The following ZNF528 variants were observed in gnomAD, a reference collection of about 807,000 sequenced individuals.
The protein encoded by ZNF528 is zinc finger protein 528.
In ZNF528, 9 loss-of-function variants were observed where a neutral mutation model predicts 13.3. The ratio of observed to expected loss-of-function variants is 0.67; its 90% confidence interval spans 0.41 to 1.18. The LOEUF (loss-of-function observed/expected upper bound fraction) is 1.18. Ranked by LOEUF, ZNF528 falls within the 50% of genes most tolerant of loss-of-function variation. The pLI is 0.01. For missense variants in ZNF528, 858 were observed against 745.4 expected (o/e 1.15, Z -1.76); for synonymous variants, 264 against 254.3 (o/e 1.04, Z -0.36).
At chr19:52,415,095 G>T in intron 6 of ZNF528, 29 bp from the exon 7 acceptor site, 1 of 1,610,618 alleles carries the variant, frequency 6.2e-7, no homozygotes, top group South Asian at 1.1e-5. Context: ...ATCATGGGTT[G>T]AAGTTCCACT....
Position 52,415,111 on chromosome 19 carries a change from C to G in ZNF528, c.272-13C>G. ...TCATGGGTTGAAGTTCCACTTTTTT[C>G]TTTCTGTTTTAGAGAGGAGCTCTAA... is the stretch of plus-strand genomic sequence containing the variant. On this transcript the variant is annotated splice_polypyrimidine_tract_variant and intron_variant, in intron 6 of 6. Coordinates refer to ENST00000360465, the MANE Select transcript of ZNF528 (RefSeq NM_032423.3). 1 of 1,608,644 alleles carries G rather than the reference C, an allele frequency of 6.2e-7. No individual in the cohort carries two copies. The highest frequency in any genetic ancestry group is 8.5e-7 in the Non-Finnish European group (1 of 1,177,580).
At chr19:52,400,504 C>T (rs113009306) in intron 2 of ZNF528, among the ~76,000 whole-genome samples, 6 of 152,128 alleles carry the variant, frequency 3.9e-5, no homozygotes, top group African/African-American at 1.4e-4. Context: ...TTCTCTGTTT[C>T]TAAATCTAGT....
chr19:52,404,690 G>T (rs1041017424), intron 4 of ZNF528, among the ~76,000 whole-genome samples: 1 of 151,852 alleles, frequency 6.6e-6, no homozygotes, highest in African/African-American at 2.4e-5. Context: ...TCCACCTCCC[G>T]GGTTCAAGAG....
chr19:52,407,865 A>G (rs1241382120), intron 6 of ZNF528, among the ~76,000 whole-genome samples: 2 of 151,838 alleles, frequency 1.3e-5, no homozygotes, highest in African/African-American at 4.8e-5. Flanking sequence ...GACATGCACC[A>G]CCACGCCTGG....
Position 52,416,546 on chromosome 19 carries a change from C to A in ZNF528, c.1694C>A (p.Thr565Asn), listed in dbSNP as rs374627797. ...GCATTTCGAGGGTGTTCAGGCCTTA[C>A]TGCCCATCTTGCAATCCATACTGAA... is the stretch of plus-strand genomic sequence containing the variant. ...GKAFRGCSGLTAHLAIHTEKK... is the reference protein window; with the variant it reads ...GKAFRGCSGLNAHLAIHTEKK... The change falls in exon 7 of 7, where the codon ACT (threonine) becomes AAT (asparagine). Residue 565 changes from threonine (T) to asparagine (N), a missense_variant. By Grantham distance (65) the Thr-to-Asn change is moderately conservative (BLOSUM62 0). Transcript: ENST00000360465. The A allele has an allele frequency of 1.9e-6, 3 of 1,614,112 alleles. No homozygotes were observed. The African/African-American group carries it at 4.0e-5, about 22-fold the overall frequency.
chr19:52,402,285 G>A (rs955358507), intron 4 of ZNF528: 1 of 606,040 alleles, frequency 1.7e-6, no homozygotes, highest in East Asian at 2.8e-5. Flanking sequence ...CGGGGTGTGG[G>A]TCCCGTGGTG....
At position 52,408,032 on chromosome 19, in the gene ZNF528, A is replaced by G. The variant is rs148882379; in HGVS notation, c.271+1389A>G. On this transcript the variant is annotated intron_variant, in intron 6 of 6. Transcript: ENST00000360465. ...ACCTGGCCCAAAACATTCTATTTTA[A>G]ATGTTAACAGCTTATCTTTGATTAG... Among the ~76,000 whole-genome samples the G allele has an allele frequency of 2.0e-5, 3 of 152,086 alleles. No individual in the cohort carries two copies. The East Asian group carries it at 5.9e-4, about 30-fold the overall frequency.
chr19:52,416,108 G>T lies in ZNF528; in HGVS notation c.1256G>T (p.Ser419Ile). The T allele has an allele frequency of 6.8e-6, 11 of 1,613,980 alleles. No homozygotes were observed. The highest frequency in any genetic ancestry group is 2.2e-5 in the East Asian group (1 of 44,870). Reference protein sequence around the residue: ...YGCSQCGKIFSQKSDLIRHRK... With the variant: ...YGCSQCGKIFIQKSDLIRHRK... ...TGCAGTCAGTGTGGCAAGATCTTTA[G>T]TCAGAAATCAGACCTTATACGACAT... Residue 419 changes from serine (S) to isoleucine (I), a missense_variant, in exon 7 of 7, where the codon AGT (serine) becomes ATT (isoleucine). By Grantham distance (142) the Ser-to-Ile change is moderately radical. Transcript: ENST00000360465.
intron 6 of ZNF528, among the ~76,000 whole-genome samples, chr19:52,409,485 T>C (rs2122559225): frequency 6.6e-6 from 1 of 152,236 alleles, no homozygotes; most frequent in African/African-American, 2.4e-5. Context: ...ATCATTTTCC[T>C]GATTTCATTT....
Position 52,415,910 on chromosome 19 carries a change from A to T in ZNF528, c.1058A>T (p.Tyr353Phe), listed in dbSNP as rs1307857125. ...ACGGTTCATACTGGTGAGAAACCTTACAAATGTGAAGAATGTGGCAAAGCA... is the reference window on the plus strand; with the variant it reads ...ACGGTTCATACTGGTGAGAAACCTTTCAAATGTGAAGAATGTGGCAAAGCA... ...HQTVHTGEKP[Y>F]KCEECGKAFS... Residue 353 changes from tyrosine to phenylalanine, a missense_variant, in exon 7 of 7, where the codon TAC becomes TTC. Tyr to Phe is a conservative substitution (Grantham distance 22, BLOSUM62 3). Transcript: ENST00000360465. 1.2e-6 allele frequency: 2 copies of T among 1,613,954 alleles called. No homozygotes were observed. Among genetic ancestry groups the T allele is most frequent in the African/African-American group, 2.7e-5 (2 of 74,934 alleles).
In ZNF528 at chr19:52,416,662, C is replaced by A. The variant is rs759509998; in HGVS notation, c.1810C>A (p.Pro604Thr). 26 of 1,614,066 alleles carry A rather than the reference C, an allele frequency of 1.6e-5. No individual in the cohort carries two copies. In the South Asian group the frequency reaches 2.7e-4, roughly 17 times the overall value. ...NHHRIHIGEK[P>T]YKCTLCSKVF... Reference sequence around the variant, plus strand: ...CCATAGAATTCACATTGGAGAGAAACCTTACAAATGCACCCTGTGCAGTAA... The same window carrying A: ...CCATAGAATTCACATTGGAGAGAAAACTTACAAATGCACCCTGTGCAGTAA... Residue 604 changes from proline to threonine, a missense_variant, in exon 7 of 7, where the codon CCT becomes ACT. Transcript: ENST00000360465.
intron 4 of ZNF528, among the ~76,000 whole-genome samples, chr19:52,404,417 G>T (rs2058830820): frequency 1.3e-5 from 2 of 151,774 alleles, no homozygotes; most frequent in African/African-American, 4.8e-5. Flanking sequence ...TACTAGTGAT[G>T]GGGTTTCACC....
rs200341438 is a variant in ZNF528 at position 52,415,406 on chromosome 19, C to T, written c.554C>T (p.Ala185Val). The change falls in exon 7 of 7, where the codon GCT becomes GTT. Residue 185 changes from alanine (A) to valine (V), a missense_variant. By Grantham distance (64) the Ala-to-Val change is moderately conservative (BLOSUM62 0). Coordinates refer to ENST00000360465, the MANE Select transcript of ZNF528 (RefSeq NM_032423.3). ...QEQKAHIREK[A>V]YKCNEHGQVF... ...CAGAAAGCACACATTAGGGAAAAAG[C>T]TTATAAATGTAATGAGCACGGCCAA... The T allele has an allele frequency of 4.7e-5, 76 of 1,614,144 alleles. No homozygotes were observed. The highest frequency in any genetic ancestry group is 1.8e-4 in the Admixed American group (11 of 60,020).
chr19:52,409,303 T>C (rs2058899568), intron 6 of ZNF528, among the ~76,000 whole-genome samples: 1 of 109,122 alleles, frequency 9.2e-6, no homozygotes, highest in Non-Finnish European at 1.8e-5. Context: ...ATCAAATCTC[T>C]TTTTTTTTTT....
intron 6 of ZNF528, 40 bp from the exon 7 acceptor site, chr19:52,415,084 T>C: frequency 1.2e-6 from 2 of 1,611,896 alleles, no homozygotes; most frequent in Non-Finnish European, 8.5e-7. Flanking sequence ...AAGATGCCAT[T>C]ATCATGGGTT....
intron 6 of ZNF528, chr19:52,411,493 CAA>C (rs2058930581): frequency 6.6e-6 from 1 of 152,160 alleles, no homozygotes; most frequent in Non-Finnish European, 1.5e-5. Context: ...TTTGGAATAA[CAA>C]ATACCAGTGA....
chr19:52,403,202 G>T (rs929143587), intron 4 of ZNF528, among the ~76,000 whole-genome samples: 7 of 152,194 alleles, frequency 4.6e-5, no homozygotes, highest in Non-Finnish European at 8.8e-5. Context: ...GCACAATGGT[G>T]CATGCCTTTA....
intron 5 of ZNF528, 52 bp downstream of exon 5, chr19:52,406,085 A>C (rs1258051944): frequency 1.9e-6 from 3 of 1,568,906 alleles, no homozygotes; most frequent in Non-Finnish European, 2.6e-6. Flanking sequence ...GGATCTCTGA[A>C]TTGTGTCTTA....
chr19:52,412,824 C>G (rs1310327949), intron 6 of ZNF528: 1 of 152,114 alleles, frequency 6.6e-6, no homozygotes, highest in Non-Finnish European at 1.5e-5. Context: ...AGCGTTTGAC[C>G]CTTGGCTCCT....
Sources: allele counts gnomAD v4.1 joint callset (sites outside exome capture counted in the v4.1 genomes callset), GRCh38; gene constraint gnomAD v4.1.1; transcripts MANE v1.5; gene names NCBI Gene and HGNC (gene_info 2026-07-23, HGNC 2026-07-21).